NWD1: variants seen among roughly 807,000 people sequenced by gnomAD.
NWD1 encodes NACHT domain- and WD repeat-containing protein 1.
A neutral mutation model predicts 135.1 loss-of-function variants in NWD1; 129 were observed. The observed-to-expected ratio is 0.96, with a 90% CI of 0.83 to 1.11. The LOEUF (loss-of-function observed/expected upper bound fraction) is 1.11. Ranked by LOEUF, NWD1 falls within the 50% of genes least tolerant of loss-of-function variation. NWD1 has a pLI of 0.00. For missense variants in NWD1, 1,740 were observed against 1,851.3 expected (o/e 0.94, Z 1.10); for synonymous variants, 773 against 786.0 (o/e 0.98, Z 0.28).
intron 4 of NWD1, among the ~76,000 whole-genome samples, chr19:16,742,637 A>G (rs1968131242): frequency 6.6e-6 from 1 of 151,934 alleles, no homozygotes; most frequent in Admixed American, 6.6e-5. Flanking sequence ...GAGAACCACC[A>G]CAAGATTTAA....
chr19:16,749,407 C>G lies in NWD1; in HGVS notation c.765C>G (p.Asn255Lys). Residue 255 changes from asparagine (N) to lysine (K), a missense_variant, in exon 6 of 19, where the codon AAC (asparagine) becomes AAG (lysine). Physicochemically the swap from Asn to Lys is moderately conservative, Grantham distance 94. Coordinates refer to ENST00000524140, the MANE Select transcript of NWD1 (RefSeq NM_001007525.5). ...PWSRDLVNPK[N>K]KTHACYLKEL... ...GCCGCGACTTGGTGAACCCCAAGAA[C>G]AAGACTCACGCCTGCTACCTGAAGG... 1 of 1,613,988 alleles carries G rather than the reference C, an allele frequency of 6.2e-7. No individual in the cohort carries two copies. The highest frequency in any genetic ancestry group is 1.1e-5 in the South Asian group (1 of 91,076).
At chr19:16,736,193 T>TTTCCTTCTTTCCTTCCTTCC (rs1383779778) in intron 3 of NWD1, among the ~76,000 whole-genome samples, 1 of 32,066 alleles carries the variant, frequency 3.1e-5, no homozygotes, top group African/African-American at 1.6e-4. Context: ...TCTTTCCTTC[T>TTTCCTTCTTTCCTTCCTTCC]TTCCTTCCTT....
intron 2 of NWD1, among the ~76,000 whole-genome samples, chr19:16,728,144 A>G (rs1345189374): frequency 1.3e-5 from 2 of 152,214 alleles, no homozygotes; most frequent in Non-Finnish European, 2.9e-5. Context: ...CTCCACATTC[A>G]GTGAAGTCAG....
chr19:16,811,449 T>C (rs954231730), intron 18 of NWD1, among the ~76,000 whole-genome samples: 4 of 151,442 alleles, frequency 2.6e-5, no homozygotes, highest in East Asian at 2.0e-4. Flanking sequence ...CCGGGCATGG[T>C]GGTGCATGCC....
In NWD1 at chr19:16,738,146, A is replaced by G. The variant is rs1967915719; in HGVS notation, c.198+1396A>G. On this transcript the variant is annotated intron_variant, in intron 4 of 18. Transcript: ENST00000524140. ...CATTGTTTAGCCCTGCTTTCAAGCT[A>G]TAATGGCAGAGTTTAGTCGTTCTGA... is the stretch of plus-strand genomic sequence containing the variant. 10 of 418,352 alleles carry G rather than the reference A, an allele frequency of 2.4e-5. No individual in the cohort carries two copies. The Admixed American group carries it at 2.6e-4, about 11-fold the overall frequency. 25.9% of individuals were successfully genotyped at this position (418,352 alleles called of 1,614,324 possible).
At chr19:16,791,315 G>A in intron 13 of NWD1, 35 bp from the exon 14 acceptor site, 2 of 1,598,860 alleles carry the variant, frequency 1.3e-6, no homozygotes, top group Non-Finnish European at 1.7e-6. Context: ...TAGGTCTCCT[G>A]CCAAGATGCT....
rs1365178900 is a variant in NWD1, at chr19:16,747,760, T to C, written c.497-1379T>C. 2.0e-5 allele frequency among the ~76,000 whole-genome samples: 3 copies of C among 152,136 alleles called. No homozygotes were observed. The East Asian group carries it at 5.8e-4, about 29-fold the overall frequency. On this transcript the variant is annotated intron_variant, in intron 5 of 18. Coordinates refer to ENST00000524140, the MANE Select transcript of NWD1 (RefSeq NM_001007525.5). ...CCAGCGCAGGCAACCATCAATCTGCTTTCTGTCTCTATTAATTTGCCTGTT... is the reference window on the plus strand; with the variant it reads ...CCAGCGCAGGCAACCATCAATCTGCCTTCTGTCTCTATTAATTTGCCTGTT...
intron 6 of NWD1, among the ~76,000 whole-genome samples, chr19:16,756,114 A>G (rs867405780): frequency 2.0e-5 from 3 of 152,146 alleles, no homozygotes; most frequent in Non-Finnish European, 2.9e-5. Flanking sequence ...GGGGCTGGGC[A>G]TGGTGGCTCA....
chr19:16,804,897 T>G (rs914330520), intron 17 of NWD1, among the ~76,000 whole-genome samples: 5 of 151,990 alleles, frequency 3.3e-5, no homozygotes, highest in Admixed American at 1.3e-4. Context: ...CAATGACGGC[T>G]CAGTGCAGCC....
intron 14 of NWD1, among the ~76,000 whole-genome samples, chr19:16,793,581 TTG>T (rs908314101): frequency 6.5e-5 from 5 of 77,242 alleles, no homozygotes; most frequent in African/African-American, 2.3e-4. Flanking sequence ...TGGTTTTTGG[TTG>T]TTTTTTTTTT....
intron 10 of NWD1, among the ~76,000 whole-genome samples, chr19:16,767,796 C>T (rs897986648): frequency 6.6e-6 from 1 of 151,924 alleles, no homozygotes; most frequent in African/African-American, 2.4e-5. Flanking sequence ...ATATCTCTCC[C>T]CATTCTCCCT....
intron 18 of NWD1, among the ~76,000 whole-genome samples, chr19:16,810,034 C>A (rs752517971): frequency 4.6e-5 from 7 of 152,134 alleles, no homozygotes; most frequent in Middle Eastern, 3.2e-3. Flanking sequence ...TCTGTCTGGG[C>A]AAAAGGATTT....
chr19:16,781,864 G>A (rs781360236), intron 12 of NWD1, among the ~76,000 whole-genome samples: 12 of 151,896 alleles, frequency 7.9e-5, no homozygotes, highest in Admixed American at 2.6e-4. Context: ...AGGCCTAGGC[G>A]GGTGGATCAC....
At chr19:16,783,626 C>T (rs552784801) in intron 12 of NWD1, among the ~76,000 whole-genome samples, 1 of 144,638 alleles carries the variant, frequency 6.9e-6, no homozygotes, top group South Asian at 2.2e-4. Context: ...AAGAGCAAAA[C>T]TCCATCTCAA....
At chr19:16,722,988 G>C (rs1044664347) in intron 1 of NWD1, among the ~76,000 whole-genome samples, 41 of 152,194 alleles carry the variant, frequency 2.7e-4, no homozygotes, top group African/African-American at 9.4e-4. Flanking sequence ...TTCACTGGGA[G>C]GGGACGACTG....
intron 17 of NWD1, among the ~76,000 whole-genome samples, chr19:16,804,235 A>C (rs1489925111): frequency 6.6e-6 from 1 of 152,120 alleles, no homozygotes; most frequent in Non-Finnish European, 1.5e-5. Flanking sequence ...CACCAGTCTT[A>C]GTCAATTCCG....
At chr19:16,806,036 T>C (rs1237961560) in intron 17 of NWD1, among the ~76,000 whole-genome samples, 1 of 151,822 alleles carries the variant, frequency 6.6e-6, no homozygotes, top group Admixed American at 6.6e-5. Context: ...CCACGCCTGG[T>C]TAATTTTTGT....
At chr19:16,788,956 C>T in intron 12 of NWD1, 26 bp from the exon 13 acceptor site, 1 of 1,576,426 alleles carries the variant, frequency 6.3e-7, no homozygotes, top group East Asian at 2.2e-5. Context: ...AGCTAATATA[C>T]TCTCCCCTAC....
Position 16,737,964 on chromosome 19 carries a change from C to CAAAAGAAAAGAAAA in NWD1, c.198+1214_198+1215insAAAAGAAAAGAAAA, listed in dbSNP as rs147713373. 2.4e-4 allele frequency among the ~76,000 whole-genome samples: 30 copies of CAAAAGAAAAGAAAA among 124,592 alleles called. 1 individual carries two copies. Among genetic ancestry groups the CAAAAGAAAAGAAAA allele is most frequent in the South Asian group, 5.2e-4 (2 of 3,850 alleles). The allele number at this position is 124,592 out of a possible 152,430, so 81.7% of individuals were successfully genotyped here. ...TGGGCGACAGAGCAAGACTCTATCT[C>CAAAAGAAAAGAAAA]GAAAAGAAAAGAAAAGAAAAGAAAA... On this transcript the variant is annotated intron_variant, in intron 4 of 18. Coordinates refer to ENST00000524140, the MANE Select transcript of NWD1 (RefSeq NM_001007525.5).
Sources: allele counts gnomAD v4.1 joint callset (sites outside exome capture counted in the v4.1 genomes callset), GRCh38; gene constraint gnomAD v4.1.1; transcripts MANE v1.5; gene names NCBI Gene and HGNC (gene_info 2026-07-23, HGNC 2026-07-21).